The following KAZN variants were observed in gnomAD, a reference collection of about 807,000 sequenced individuals.
KAZN encodes kazrin.
A neutral mutation model predicts 87.4 loss-of-function variants in KAZN; 40 were observed. The ratio of observed to expected loss-of-function variants is 0.46; its 90% confidence interval spans 0.36 to 0.60. The LOEUF is 0.60. Ranked by LOEUF, KAZN falls within the 20% of genes least tolerant of loss-of-function variation. The pLI, the probability that KAZN is intolerant of heterozygous loss-of-function variation, is 0.00. For missense variants in KAZN, 898 were observed against 1,073.9 expected, an observed-to-expected ratio of 0.84 and a Z score of 2.29; for synonymous variants, 466 against 458.3, an observed-to-expected ratio of 1.02 and a Z score of -0.22.
chr1:15,025,813 A>T (rs1369837860), intron 2 of KAZN, among the ~76,000 whole-genome samples: 1 of 152,140 alleles, frequency 6.6e-6, no homozygotes, highest in Non-Finnish European at 1.5e-5. Context: ...TGGTGAGAAG[A>T]TAAAGGAAAT....
chr1:14,873,527 G>A (rs192247746), intron 1 of KAZN, among the ~76,000 whole-genome samples: 23 of 152,276 alleles, frequency 1.5e-4, no homozygotes, highest in African/African-American at 5.1e-4. Flanking sequence ...ACAGAAGAAG[G>A]CTAGCATGGC....
intron 1 of KAZN, among the ~76,000 whole-genome samples, chr1:14,056,597 G>A (rs1642570651): frequency 1.3e-5 from 2 of 152,190 alleles, no homozygotes; most frequent in African/African-American, 4.8e-5. Flanking sequence ...TGGTACTTTT[G>A]TTACAGCAGC....
At chr1:14,868,242 G>A (rs1196073507) in intron 1 of KAZN, among the ~76,000 whole-genome samples, 1 of 152,254 alleles carries the variant, frequency 6.6e-6, no homozygotes, top group Non-Finnish European at 1.5e-5. Context: ...CAAACACATG[G>A]CATCACATAC....
chr1:14,403,466 G>C (rs529725002), intron 2 of KAZN, among the ~76,000 whole-genome samples: 1 of 151,978 alleles, frequency 6.6e-6, no homozygotes, highest in Non-Finnish European at 1.5e-5. Context: ...AGCCTTTTGT[G>C]AACAAAATTG....
intron 2 of KAZN, among the ~76,000 whole-genome samples, chr1:14,979,187 G>A (rs1465338507): frequency 6.6e-6 from 1 of 151,964 alleles, no homozygotes; most frequent in African/African-American, 2.4e-5. Flanking sequence ...CAAGGCGAGC[G>A]GATCACGAGG....
chr1:14,382,242 C>T (rs1467438699), intron 2 of KAZN, among the ~76,000 whole-genome samples: 1 of 152,168 alleles, frequency 6.6e-6, no homozygotes, highest in African/African-American at 2.4e-5. Flanking sequence ...CTACCCAATG[C>T]AATCTACAGA....
intron 2 of KAZN, among the ~76,000 whole-genome samples, chr1:14,380,100 G>C (rs1483133072): frequency 1.3e-5 from 2 of 152,250 alleles, no homozygotes; most frequent in African/African-American, 4.8e-5. Flanking sequence ...GAATTCCTGT[G>C]AATCTTATCC....
intron 1 of KAZN, among the ~76,000 whole-genome samples, chr1:14,749,099 T>G (rs1427548352): frequency 6.6e-6 from 1 of 152,184 alleles, no homozygotes; most frequent in African/African-American, 2.4e-5. Context: ...AAAGACCCTA[T>G]CAAGGGTGAT....
chr1:14,678,728 G>A (rs1220947294), intron 1 of KAZN, among the ~76,000 whole-genome samples: 1 of 152,184 alleles, frequency 6.6e-6, no homozygotes, highest in East Asian at 1.9e-4. Flanking sequence ...TGCAAAACCA[G>A]TGAGTCCACC....
intron 1 of KAZN, among the ~76,000 whole-genome samples, chr1:14,946,483 G>C (rs12062027): frequency 0.074 from 11,215 of 151,912 alleles, 1,268 homozygotes; most frequent in African/African-American, 0.25. Flanking sequence ...GGCTACAGGC[G>C]CCTGCCACCA....
At chr1:14,647,935 T>C (rs530873234) in intron 1 of KAZN, among the ~76,000 whole-genome samples, 1 of 152,330 alleles carries the variant, frequency 6.6e-6, no homozygotes, top group East Asian at 1.9e-4. Flanking sequence ...TGTCTCTTCC[T>C]GATCTGCCAA....
At chr1:13,993,319 T>C (rs910297395) in intron 1 of KAZN, among the ~76,000 whole-genome samples, 8 of 152,130 alleles carry the variant, frequency 5.3e-5, no homozygotes, top group Admixed American at 1.3e-4. Flanking sequence ...CCTAGGCTGA[T>C]TGATACATAT....
rs144054500 is a variant in KAZN, at chr1:14,436,484, G to A, written c.250-162499G>A. 3.3e-3 allele frequency among the ~76,000 whole-genome samples: 501 copies of A among 151,898 alleles called. 2 individuals are homozygous for A. The highest frequency in any genetic ancestry group is 0.011 in the African/African-American group (442 of 41,416). On this transcript the variant is annotated intron_variant, in intron 2 of 16. Transcript: ENST00000636203. Reference sequence around the variant, plus strand: ...AACAATCCCAGTACTTTGAGAGGCCGAGGCAGGCAGATCACCTGAGGTCAG... The same window carrying A: ...AACAATCCCAGTACTTTGAGAGGCCAAGGCAGGCAGATCACCTGAGGTCAG...
At chr1:14,594,184 C>T (rs1028161014), upstream of KAZN, among the ~76,000 whole-genome samples, 3 of 152,154 alleles carry the variant, frequency 2.0e-5, no homozygotes, top group Admixed American at 6.5e-5. Context: ...TTACTCATTG[C>T]GCCCTCTTTT....
At chr1:14,680,039 C>T (rs367716579) in intron 1 of KAZN, among the ~76,000 whole-genome samples, 3 of 152,114 alleles carry the variant, frequency 2.0e-5, no homozygotes, top group Admixed American at 6.5e-5. Context: ...TGTTTAAAGC[C>T]GGCAGATGCT....
intron 1 of KAZN, among the ~76,000 whole-genome samples, chr1:14,754,484 T>C (rs1644501481): frequency 6.6e-6 from 1 of 151,764 alleles, no homozygotes; most frequent in African/African-American, 2.4e-5. Context: ...AAGACAAAAA[T>C]TAGCCAGGCA....
chr1:14,920,274 C>CTTTTTTTTTTT (rs1334857235), intron 1 of KAZN, among the ~76,000 whole-genome samples: 1 of 75,548 alleles, frequency 1.3e-5, no homozygotes, highest in African/African-American at 4.0e-5. Flanking sequence ...AGCCTCTTTT[C>CTTTTTTTTTTT]TGTTTTTTTT....
chr1:14,758,962 GAGAGAGAGGA>G (rs951412340), intron 1 of KAZN, among the ~76,000 whole-genome samples: 7 of 152,172 alleles, frequency 4.6e-5, no homozygotes, highest in South Asian at 2.1e-4. Context: ...AGAAAGAGGA[GAGAGAGAGGA>G]AGAGAGAGGC....
intron 1 of KAZN, among the ~76,000 whole-genome samples, chr1:14,618,945 G>A (rs181710550): frequency 2.6e-5 from 4 of 152,330 alleles, no homozygotes; most frequent in Admixed American, 2.0e-4. Context: ...TCAAGAAGGT[G>A]TAGGTGGGTC....
Sources: gnomAD v4.1 joint callset for allele counts (sites outside exome capture counted in the v4.1 genomes callset) on GRCh38, gnomAD v4.1.1 for gene constraint, MANE v1.5 for transcripts, NCBI Gene and HGNC (gene_info 2026-07-23, HGNC 2026-07-21) for gene names.